Variants in IQCM observed in about 807,000 individuals in gnomAD.
IQCM encodes IQ motif containing M.
Under a neutral mutation model 57.6 loss-of-function variants are expected in IQCM, and 45 were observed. That is an observed-to-expected ratio of 0.78 (90% CI 0.62 to 1.00). IQCM has a LOEUF of 1.00. Among genes scored for constraint, IQCM ranks in the 50% least tolerant of loss-of-function variants. IQCM has a pLI of 0.00. For synonymous variants in IQCM, 148 were observed against 158.9 expected (o/e 0.93, Z 0.51); for missense variants, 468 against 511.6 (o/e 0.91, Z 0.82).
intron 5 of IQCM, among the ~76,000 whole-genome samples, chr4:149,695,958 G>A (rs554834928): frequency 1.3e-5 from 2 of 152,286 alleles, no homozygotes; most frequent in East Asian, 3.9e-4. Context: ...TAAAAGAATT[G>A]CAAAAAGTCA....
chr4:149,449,983 A>G (rs1736929196), intron 12 of IQCM, among the ~76,000 whole-genome samples: 1 of 151,968 alleles, frequency 6.6e-6, no homozygotes, highest in South Asian at 2.1e-4. Flanking sequence ...GGTAACCAAA[A>G]TAGCATGATA....
At chr4:149,373,738 G>C (rs1474650031) in intron 13 of IQCM, among the ~76,000 whole-genome samples, 1 of 151,746 alleles carries the variant, frequency 6.6e-6, no homozygotes, top group Non-Finnish European at 1.5e-5. Context: ...CATGGATATT[G>C]ATTCTGTCAT....
At chr4:149,732,749 T>C (rs1766576858) in intron 5 of IQCM, among the ~76,000 whole-genome samples, 1 of 152,194 alleles carries the variant, frequency 6.6e-6, no homozygotes, top group Non-Finnish European at 1.5e-5. Context: ...ACAATATCAC[T>C]TTGCTTAAAG....
In IQCM at chr4:149,769,228, A is replaced by T. The variant is rs138728666; in HGVS notation, c.-48-26489T>A. Among the ~76,000 whole-genome samples the T allele has an allele frequency of 6.0e-4, 92 of 152,136 alleles. 1 individual carries two copies. In the East Asian group the frequency reaches 0.013, roughly 21 times the overall value. On this transcript the variant is annotated intron_variant, in intron 2 of 13. Transcript: ENST00000636793. ...AGTTTTATTAGGGAAACTCTTCCAT[A>T]CCCATGAATTCAAGTCCTCCTGAAC...
chr4:149,611,307 A>G (rs1755264897), intron 8 of IQCM, among the ~76,000 whole-genome samples: 1 of 152,126 alleles, frequency 6.6e-6, no homozygotes, highest in South Asian at 2.1e-4. Flanking sequence ...TAGAACTACT[A>G]CATGATTCAG....
chr4:149,506,051 A>G (rs1312891015), intron 12 of IQCM, among the ~76,000 whole-genome samples: 1 of 152,196 alleles, frequency 6.6e-6, no homozygotes, highest in African/African-American at 2.4e-5. Context: ...ACATATGAAG[A>G]TTTATTTATA....
At chr4:149,757,840 G>A (rs115810694) in intron 2 of IQCM, among the ~76,000 whole-genome samples, 1,796 of 152,016 alleles carry the variant, frequency 0.012, 48 homozygotes, top group African/African-American at 0.041. Flanking sequence ...CATATTCTAA[G>A]TCACATGAAA....
intron 5 of IQCM, among the ~76,000 whole-genome samples, chr4:149,726,135 GAAA>G (rs1765912351): frequency 6.9e-6 from 1 of 145,778 alleles, no homozygotes; most frequent in African/African-American, 2.6e-5. Context: ...AAGAAAGAAA[GAAA>G]GAAAAGAAAG....
At chr4:149,520,597 C>A (rs1503707) in intron 12 of IQCM, among the ~76,000 whole-genome samples, 115,058 of 151,984 alleles carry the variant, frequency 0.76, 44,029 homozygotes, top group South Asian at 0.9. Flanking sequence ...TTAAAATGTA[C>A]CATCTCAAGG....
At position 149,636,174 on chromosome 4, in the gene IQCM, C is replaced by T. The variant is rs1047921641; in HGVS notation, c.566-14930G>A. ...CAAGGCAGTCTGATGATCTGCAATG[C>T]AAAGTTGACAAACTCCTCCACAGAG... On this transcript the variant is annotated intron_variant, in intron 7 of 13. Transcript: ENST00000636793. 5.3e-5 allele frequency among the ~76,000 whole-genome samples: 8 copies of T among 152,254 alleles called. No homozygotes were observed. The East Asian group carries it at 7.7e-4, about 15-fold the overall frequency.
chr4:149,371,345 AAAT>A (rs1217917143), intron 13 of IQCM, among the ~76,000 whole-genome samples: 2 of 152,190 alleles, frequency 1.3e-5, no homozygotes, highest in Non-Finnish European at 2.9e-5. Context: ...CACTGGAAAC[AAAT>A]AATAAAGATT....
At chr4:149,394,350 T>G (rs1478273344) in intron 13 of IQCM, among the ~76,000 whole-genome samples, 1 of 152,034 alleles carries the variant, frequency 6.6e-6, no homozygotes, top group Non-Finnish European at 1.5e-5. Context: ...AATCCTCTAA[T>G]TTTCTTATAT....
At chr4:149,733,011 G>A (rs1766604102) in intron 5 of IQCM, among the ~76,000 whole-genome samples, 3 of 152,080 alleles carry the variant, frequency 2.0e-5, no homozygotes, top group African/African-American at 7.2e-5. Flanking sequence ...TGGAAGACAT[G>A]GCTAACAAGT....
intron 12 of IQCM, among the ~76,000 whole-genome samples, chr4:149,503,329 T>C (rs188716468): frequency 2.0e-5 from 3 of 152,140 alleles, no homozygotes; most frequent in Non-Finnish European, 4.4e-5. Context: ...TACTAAAAAC[T>C]GAGAAAATTA....
chr4:149,354,675 G>A (rs1728833723), intron 13 of IQCM, among the ~76,000 whole-genome samples: 1 of 151,846 alleles, frequency 6.6e-6, no homozygotes, highest in South Asian at 2.1e-4. Flanking sequence ...TGAAAATAAG[G>A]GCCCAAGTTC....
At chr4:149,681,100 C>T (rs544026175) in intron 7 of IQCM, among the ~76,000 whole-genome samples, 1 of 151,392 alleles carries the variant, frequency 6.6e-6, no homozygotes, top group African/African-American at 2.4e-5. Context: ...ATTAGTAGAA[C>T]TTTAACTGAT....
rs746997825 is a variant in IQCM at position 149,686,388 on chromosome 4, C to A, written c.466G>T (p.Glu156Ter). 1.6e-6 allele frequency: 2 copies of A among 1,217,748 alleles called. No individual in the cohort carries two copies. The highest frequency in any genetic ancestry group is 3.1e-5 in the African/African-American group (2 of 63,994). The allele number at this position is 1,217,748 out of a possible 1,614,324, so 75.4% of individuals were successfully genotyped here. A position where few individuals can be genotyped will look rare whatever the true frequency, so the allele number is the denominator to read the frequency against. The change falls in exon 6 of 14, where the codon GAG (glutamate) becomes TAG (stop). Residue 156 changes from glutamate to a stop codon, truncating the protein, a stop_gained. Coordinates refer to ENST00000636793, the MANE Select transcript of IQCM (RefSeq NM_001363507.2). LOFTEE classifies it high-confidence loss of function. Reference sequence around the variant, plus strand: ...CTAATTATACATTACCTGGACTCCTCAAAGTGCTGTTGCTTTGCTGTCTCC... The same window carrying A: ...CTAATTATACATTACCTGGACTCCTAAAAGTGCTGTTGCTTTGCTGTCTCC... ...KMETAKQQHF[E>*]ESRNRMLELL...
intron 2 of IQCM, among the ~76,000 whole-genome samples, chr4:149,756,736 G>T (rs1172734282): frequency 6.6e-6 from 1 of 152,134 alleles, no homozygotes; most frequent in Non-Finnish European, 1.5e-5. Context: ...CAATCAAGAA[G>T]GGGGAAAGAA....
chr4:149,411,733 G>A (rs932208484), intron 13 of IQCM, among the ~76,000 whole-genome samples: 7 of 152,148 alleles, frequency 4.6e-5, no homozygotes, highest in South Asian at 2.1e-4. Flanking sequence ...CAATTATTAG[G>A]TATTTTTAAT....
Sources: allele counts gnomAD v4.1 joint callset (sites outside exome capture counted in the v4.1 genomes callset), GRCh38; gene constraint gnomAD v4.1.1; transcripts MANE v1.5; gene names NCBI Gene and HGNC (gene_info 2026-07-23, HGNC 2026-07-21).